NR6A1: variants seen among roughly 807,000 people sequenced by gnomAD.
The protein encoded by NR6A1 is retinoic acid receptor-related testis-associated receptor.
NR6A1 carries 7 observed loss-of-function variants against 59.1 expected under a neutral mutation model. The observed-to-expected ratio is 0.12, with a 90% CI of 0.07 to 0.22. The LOEUF (loss-of-function observed/expected upper bound fraction) is 0.22, where lower values mean the gene tolerates loss of function less well. Among genes scored for constraint, NR6A1 ranks in the 10% least tolerant of loss-of-function variants. The pLI is 1.00. For missense variants in NR6A1, 468 were observed against 611.6 expected, an observed-to-expected ratio of 0.77 and a Z score of 2.48; for synonymous variants, 243 against 236.1, an observed-to-expected ratio of 1.03 and a Z score of -0.27.
At position 124,604,754 on chromosome 9, in the gene NR6A1, C is replaced by A. The variant is rs143574377; in HGVS notation, c.143-50184G>T. Among the ~76,000 whole-genome samples, 838 of 151,932 alleles carry A rather than the reference C, an allele frequency of 5.5e-3. 7 individuals are homozygous for A. Among genetic ancestry groups the A allele is most frequent in the African/African-American group, 0.019 (797 of 41,412 alleles). On this transcript the variant is annotated intron_variant, in intron 2 of 9. Coordinates refer to ENST00000487099, the MANE Select transcript of NR6A1 (RefSeq NM_033334.4). The stretch of plus-strand genomic sequence containing the variant: ...CTTGAGCCCCGGGAGGCAGAGGTTG[C>A]AGTGAGCAGAGATCGTGTCACTGCA...
At chr9:124,620,524 C>T (rs1836037961) in intron 2 of NR6A1, among the ~76,000 whole-genome samples, 1 of 152,174 alleles carries the variant, frequency 6.6e-6, no homozygotes. Flanking sequence ...AGTGCTATGG[C>T]ACGGACAAAC....
chr9:124,668,922 T>C (rs1237014011), intron 2 of NR6A1, among the ~76,000 whole-genome samples: 2 of 151,298 alleles, frequency 1.3e-5, no homozygotes, highest in African/African-American at 2.4e-5. Context: ...GTTTACTCAA[T>C]AAAGAGAAAA....
chr9:124,675,193 T>C (rs1029740838), intron 2 of NR6A1, among the ~76,000 whole-genome samples: 5 of 152,260 alleles, frequency 3.3e-5, no homozygotes, highest in Non-Finnish European at 7.3e-5. Flanking sequence ...TGCTTGTTCT[T>C]ACTTAGAAAG....
chr9:124,542,400 G>A (rs1250575016), intron 4 of NR6A1, among the ~76,000 whole-genome samples: 3 of 152,120 alleles, frequency 2.0e-5, no homozygotes, highest in East Asian at 1.9e-4. Context: ...AGACAACTCC[G>A]AACACCTTTC....
In NR6A1 at chr9:124,698,728, C is replaced by T. The variant is rs1415884985; in HGVS notation, c.142+34580G>A. 3 of 152,266 alleles carry T rather than the reference C, an allele frequency of 2.0e-5. No individual in the cohort carries two copies. In the East Asian group the frequency reaches 5.8e-4, roughly 29 times the overall value. 9.4% of individuals were successfully genotyped at this position (152,266 alleles called of 1,614,324 possible). Reference sequence around the variant, plus strand: ...AGTAATCTTCTCCTTGAACCAAGCACAGGATACCTTCAGCTATCTATCTGT... The same window carrying T: ...AGTAATCTTCTCCTTGAACCAAGCATAGGATACCTTCAGCTATCTATCTGT... On this transcript the variant is annotated intron_variant, in intron 2 of 9. Transcript: ENST00000487099.
intron 1 of NR6A1, among the ~76,000 whole-genome samples, chr9:124,762,982 G>T (rs958869468): frequency 1.3e-5 from 2 of 152,216 alleles, no homozygotes; most frequent in South Asian, 2.1e-4. Flanking sequence ...CTCACTGTTC[G>T]TTTAAGAAAA....
At chr9:124,725,878 G>A (rs2131107944) in intron 2 of NR6A1, among the ~76,000 whole-genome samples, 1 of 152,296 alleles carries the variant, frequency 6.6e-6, no homozygotes, top group Middle Eastern at 3.4e-3. Context: ...GGAGTTTGCT[G>A]GTTGTGTCAT....
intron 4 of NR6A1, among the ~76,000 whole-genome samples, chr9:124,540,459 T>C (rs528706895): frequency 6.6e-6 from 1 of 152,294 alleles, no homozygotes; most frequent in African/African-American, 2.4e-5. Flanking sequence ...TCCTTGAGGC[T>C]ATTCTTTCCT....
intron 1 of NR6A1, among the ~76,000 whole-genome samples, chr9:124,751,015 T>C (rs1244230603): frequency 1.3e-5 from 2 of 152,052 alleles, no homozygotes; most frequent in East Asian, 1.9e-4. Flanking sequence ...TCAGACACAT[T>C]TGGGTCTGAG....
chr9:124,599,677 C>G (rs1835395213), intron 2 of NR6A1: 1 of 935,080 alleles, frequency 1.1e-6, no homozygotes, highest in African/African-American at 1.8e-5. Flanking sequence ...TGCGTCTGGC[C>G]ATGAAGTCCA....
At chr9:124,555,438 G>C (rs1833895226) in intron 2 of NR6A1, among the ~76,000 whole-genome samples, 1 of 152,136 alleles carries the variant, frequency 6.6e-6, no homozygotes. Flanking sequence ...GAGTAAGAGG[G>C]AAGGTATAAT....
intron 2 of NR6A1, among the ~76,000 whole-genome samples, chr9:124,636,376 C>T (rs954770673): frequency 2.0e-5 from 3 of 151,926 alleles, no homozygotes; most frequent in Non-Finnish European, 2.9e-5. Context: ...TTTTTCATTC[C>T]ATTGACAGTG....
chr9:124,683,080 C>T (rs1838218681), intron 2 of NR6A1, among the ~76,000 whole-genome samples: 1 of 151,808 alleles, frequency 6.6e-6, no homozygotes, highest in South Asian at 2.1e-4. Flanking sequence ...TGCATACTTG[C>T]GATCCCAGTA....
intron 2 of NR6A1, among the ~76,000 whole-genome samples, chr9:124,558,931 TAC>T (rs1444999360): frequency 6.6e-6 from 1 of 152,196 alleles, no homozygotes; most frequent in Non-Finnish European, 1.5e-5. Flanking sequence ...AGATGTCAGA[TAC>T]AGATTTCTGC....
At chr9:124,712,342 C>T (rs1839301398) in intron 2 of NR6A1, among the ~76,000 whole-genome samples, 1 of 152,134 alleles carries the variant, frequency 6.6e-6, no homozygotes, top group African/African-American at 2.4e-5. Flanking sequence ...GGTGTAATGG[C>T]TCACACCTGT....
chr9:124,574,955 T>G (rs1387200429), intron 2 of NR6A1, among the ~76,000 whole-genome samples: 1 of 152,210 alleles, frequency 6.6e-6, no homozygotes, highest in Non-Finnish European at 1.5e-5. Context: ...AACCTCTCAG[T>G]CCTTTTTATT....
chr9:124,625,601 T>C (rs1327451464), intron 2 of NR6A1, among the ~76,000 whole-genome samples: 2 of 152,158 alleles, frequency 1.3e-5, no homozygotes, highest in Admixed American at 6.5e-5. Flanking sequence ...CTGTTCTTCA[T>C]TAATTCTAGT....
chr9:124,682,987 C>T (rs1057016732), intron 2 of NR6A1, among the ~76,000 whole-genome samples: 3 of 152,134 alleles, frequency 2.0e-5, no homozygotes. Flanking sequence ...GGGAGGATCG[C>T]TTGAGTCCAG....
chr9:124,689,845 TTC>T (rs1265579497), intron 2 of NR6A1, among the ~76,000 whole-genome samples: 1 of 152,186 alleles, frequency 6.6e-6, no homozygotes, highest in Non-Finnish European at 1.5e-5. Context: ...CTTTTCTCTG[TTC>T]TCCCTTAATA....
Sources: gnomAD v4.1 joint callset for allele counts (sites outside exome capture counted in the v4.1 genomes callset) on GRCh38, gnomAD v4.1.1 for gene constraint, MANE v1.5 for transcripts, NCBI Gene and HGNC (gene_info 2026-07-23, HGNC 2026-07-21) for gene names.